The following CDKN2D variants were observed in gnomAD, a reference collection of about 807,000 sequenced individuals.
CDKN2D encodes cyclin dependent kinase inhibitor 2D.
Under a neutral mutation model 4.7 loss-of-function variants are expected in CDKN2D, and 3 were observed. The ratio of observed to expected loss-of-function variants is 0.64; its 90% CI spans 0.29 to 1.66. The LOEUF (loss-of-function observed/expected upper bound fraction) is 1.66, where lower values mean the gene tolerates loss of function less well. Among genes scored for constraint, CDKN2D ranks in the 40% most tolerant of loss-of-function variants. The probability of loss-of-function intolerance (pLI) is 0.10; values close to 1 mark genes in which losing one functional copy is unlikely to be tolerated. For missense variants in CDKN2D, 196 were observed against 230.9 expected, an observed-to-expected ratio of 0.85 and a Z score of 0.98; for synonymous variants, 91 against 102.3, an observed-to-expected ratio of 0.89 and a Z score of 0.67.
In CDKN2D at chr19:10,567,425, A is replaced by G; in HGVS notation, c.142-8T>C. On this transcript the variant is annotated splice_region_variant and splice_polypyrimidine_tract_variant and intron_variant, in intron 1 of 1. Coordinates refer to ENST00000393599, the MANE Select transcript of CDKN2D (RefSeq NM_001800.4). Reference sequence around the variant, plus strand: ...GCTGCCAAACATCATGACCTGTGTGAGGGACAGAGGATCAGGAGGTCCTCA... The same window carrying G: ...GCTGCCAAACATCATGACCTGTGTGGGGGACAGAGGATCAGGAGGTCCTCA... 1 of 1,607,062 alleles carries G rather than the reference A, an allele frequency of 6.2e-7. No individual in the cohort carries two copies. The highest frequency in any genetic ancestry group is 8.5e-7 in the Non-Finnish European group (1 of 1,175,300).
chr19:10,567,765 G>T (rs981492253), intron 1 of CDKN2D, among the ~76,000 whole-genome samples: 3 of 151,356 alleles, frequency 2.0e-5, no homozygotes, highest in African/African-American at 7.3e-5. Context: ...CAGGAAATGG[G>T]CCCCCAGAGA....
At chr19:10,567,538 G>T in intron 1 of CDKN2D, 121 bp from the exon 2 acceptor site, 1 of 1,159,376 alleles carries the variant, frequency 8.6e-7, no homozygotes, top group South Asian at 1.5e-5. Context: ...TGCTAGAGGA[G>T]GGGTCCTCTA....
At position 10,568,516 on chromosome 19, in the gene CDKN2D, C is replaced by A; in HGVS notation, c.138G>T (p.Leu46=). 1 of 1,431,694 alleles carries A rather than the reference C, an allele frequency of 7.0e-7. No homozygotes were observed. The highest frequency in any genetic ancestry group is 9.2e-7 in the Non-Finnish European group (1 of 1,088,930). The allele number at this position is 1,431,694 out of a possible 1,614,324, so 88.7% of individuals were successfully genotyped here. A position where few individuals can be genotyped will look rare whatever the true frequency, so the allele number is the denominator to read the frequency against. ...ACCTGGACCGGCCCGGCCTCACCTG[C>A]AGCGCCGTCTTGCCGAAGCGGTTGA... is the stretch of plus-strand genomic sequence containing the variant. The part of the protein sequence containing the change: ...DALNRFGKTA[L]QVMMFGSTAI... Residue 46 remains leucine, a synonymous_variant, in exon 1 of 2, where the codon CTG becomes CTT. Coordinates refer to ENST00000393599, the MANE Select transcript of CDKN2D (RefSeq NM_001800.4).
rs536238418 is a variant in CDKN2D at position 10,567,069 on chromosome 19, C to T, written c.490G>A (p.Ala164Thr). ...LVDILQGHMV[A>T]PL Reference sequence around the variant, plus strand: ...AGGGTGACCCCAGATCACAGCGGGGCCACCATGTGGCCCTGCAGGATGTCC... The same window carrying T: ...AGGGTGACCCCAGATCACAGCGGGGTCACCATGTGGCCCTGCAGGATGTCC... The change falls in exon 2 of 2, where the codon GCC becomes ACC. Residue 164 changes from alanine (A) to threonine (T), a missense_variant. By Grantham distance (58) the Ala-to-Thr change is moderately conservative. Transcript: ENST00000393599. The T allele has an allele frequency of 2.5e-6, 4 of 1,607,774 alleles. No homozygotes were observed. The East Asian group carries it at 8.9e-5, about 36-fold the overall frequency.
Position 10,567,704 on chromosome 19 carries a change from C to T in CDKN2D, c.142-287G>A, listed in dbSNP as rs532186287. On this transcript the variant is annotated intron_variant, in intron 1 of 1. Coordinates refer to ENST00000393599, the MANE Select transcript of CDKN2D (RefSeq NM_001800.4). Reference sequence around the variant, plus strand: ...GAACCTAAGACTCTCCCCCAAGGGACCAAAGACGCCCCCAGATATGGGCAA... The same window carrying T: ...GAACCTAAGACTCTCCCCCAAGGGATCAAAGACGCCCCCAGATATGGGCAA... Among the ~76,000 whole-genome samples, 6 of 144,780 alleles carry T rather than the reference C, an allele frequency of 4.1e-5. 1 individual carries two copies. The South Asian group carries it at 1.3e-3, about 32-fold the overall frequency. The allele number at this position is 144,780 out of a possible 152,430, so 95.0% of individuals were successfully genotyped here. A position where few individuals can be genotyped will look rare whatever the true frequency, so the allele number is the denominator to read the frequency against.
Position 10,568,697 on chromosome 19 carries a change from C to G in CDKN2D, c.-44G>C, listed in dbSNP as rs1467843453. On this transcript the variant is annotated 5_prime_UTR_variant, in exon 1 of 2. Transcript: ENST00000393599. ...CAAAGCCCCCCGCCCCGCCCCAGCC[C>G]GGCGCTGTCAGCGCGGAGCAGCCGG... 7.6e-7 allele frequency: 1 copy of G among 1,309,274 alleles called. No individual in the cohort carries two copies. Among genetic ancestry groups the G allele is most frequent in the Non-Finnish European group, 9.7e-7 (1 of 1,030,846 alleles). 81.1% of individuals were successfully genotyped at this position (1,309,274 alleles called of 1,614,324 possible). A position where few individuals can be genotyped will look rare whatever the true frequency, so the allele number is the denominator to read the frequency against.
At chr19:10,568,154 C>T (rs1916953494) in intron 1 of CDKN2D, among the ~76,000 whole-genome samples, 1 of 152,016 alleles carries the variant, frequency 6.6e-6, no homozygotes, top group South Asian at 2.1e-4. Flanking sequence ...TTCCAGAGAT[C>T]GGATCTCCCC....
At chr19:10,567,585 C>A (rs530992789) in intron 1 of CDKN2D, among the ~76,000 whole-genome samples, 168 bp from the exon 2 acceptor site, 3 of 151,510 alleles carry the variant, frequency 2.0e-5, no homozygotes, top group Admixed American at 6.6e-5. Context: ...CAGGAAAGTT[C>A]TTCTGGGAAT....
chr19:10,568,453 G>T, intron 1 of CDKN2D, 60 bp downstream of exon 1: 1 of 1,297,252 alleles, frequency 7.7e-7, no homozygotes, highest in Non-Finnish European at 9.9e-7. Flanking sequence ...AGGAGCTCTG[G>T]GGTCTCGATC....
At position 10,567,279 on chromosome 19, in the gene CDKN2D, C is replaced by T. The variant is rs150872881; in HGVS notation, c.280G>A (p.Val94Met). 3 of 1,614,100 alleles carry T rather than the reference C, an allele frequency of 1.9e-6. No homozygotes were observed. The highest frequency in any genetic ancestry group is 2.5e-6 in the Non-Finnish European group (3 of 1,180,044). The change falls in exon 2 of 2, where the codon GTG becomes ATG. Residue 94 changes from valine (V) to methionine (M), a missense_variant. Val to Met is a conservative substitution (Grantham distance 21). Transcript: ENST00000393599. ...TGFLDTLKVL[V>M]EHGADVNVPD... is the part of the protein sequence containing the mutation. The stretch of plus-strand genomic sequence containing the variant: ...ACGTTGACATCAGCCCCGTGCTCCA[C>T]TAGGACCTTCAGGGTGTCCAGGAAT...
intron 1 of CDKN2D, 134 bp downstream of exon 1, chr19:10,568,378 CA>C: frequency 1.3e-6 from 1 of 765,956 alleles, no homozygotes; most frequent in Non-Finnish European, 1.7e-6. Context: ...TGTGGGGGAA[CA>C]ATGAAAGCCT....
rs1234563235 is a variant in CDKN2D at position 10,567,030 on chromosome 19, T to C, written c.*28A>G. 6.4e-7 allele frequency: 1 copy of C among 1,566,026 alleles called. No individual in the cohort carries two copies. Among genetic ancestry groups the C allele is most frequent in the East Asian group, 2.2e-5 (1 of 44,554 alleles). ...TCTTCTGATACATAACCCCACGGGG[T>C]TCTCTTGCTGGAGAGGGTGACCCCA... On this transcript the variant is annotated 3_prime_UTR_variant, in exon 2 of 2. Transcript: ENST00000393599.
rs983390507 is a variant in CDKN2D, at chr19:10,568,859, G to A, written c.-206C>T. 7 of 302,834 alleles carry A rather than the reference G, an allele frequency of 2.3e-5. No homozygotes were observed. The highest frequency in any genetic ancestry group is 1.1e-4 in the African/African-American group (5 of 45,618). 18.8% of individuals were successfully genotyped at this position (302,834 alleles called of 1,614,324 possible). A position where few individuals can be genotyped will look rare whatever the true frequency, so the allele number is the denominator to read the frequency against. On this transcript the variant is annotated 5_prime_UTR_variant, in exon 1 of 2. Coordinates refer to ENST00000393599, the MANE Select transcript of CDKN2D (RefSeq NM_001800.4). ...CCCCCTGTCAGCCGGAGGACGGCGA[G>A]GGGCTGGGAGCCGGGCCCAACCCTC...
chr19:10,568,358 G>T (rs1916958466), intron 1 of CDKN2D, among the ~76,000 whole-genome samples, 155 bp downstream of exon 1: 1 of 149,172 alleles, frequency 6.7e-6, no homozygotes, highest in Non-Finnish European at 1.5e-5. Context: ...ACCCACCTTC[G>T]AAGGGGGACT....
At position 10,568,964 on chromosome 19, in the gene CDKN2D, G is replaced by A; in HGVS notation, c.-311C>T. 5.2e-6 allele frequency: 1 copy of A among 191,222 alleles called. No individual in the cohort carries two copies. The highest frequency in any genetic ancestry group is 1.1e-5 in the Non-Finnish European group (1 of 91,962). The allele number at this position is 191,222 out of a possible 1,614,324, so 11.8% of individuals were successfully genotyped here. On this transcript the variant is annotated 5_prime_UTR_variant, in exon 1 of 2. Transcript: ENST00000393599. ...TAACTCACCCTCCCTCCTCCTCGCC[G>A]GGCGGGGTCTGCTCTGAGCCTGCGC... is the stretch of plus-strand genomic sequence containing the variant.
At position 10,567,198 on chromosome 19, in the gene CDKN2D, C is replaced by A. The variant is rs139314642; in HGVS notation, c.361G>T (p.Ala121Ser). 2.5e-5 allele frequency: 40 copies of A among 1,614,212 alleles called. No individual in the cohort carries two copies. The African/African-American group carries it at 5.3e-4, about 22-fold the overall frequency. ...TCAGCTGCCAGAAAGCTGACCACAG[C>A]AGTGTGACCCTCTTGAACTGCCAGA... Reference protein sequence around the residue: ...IHLAVQEGHTAVVSFLAAESD... With the variant: ...IHLAVQEGHTSVVSFLAAESD... The change falls in exon 2 of 2, where the codon GCT becomes TCT. Residue 121 changes from alanine to serine, a missense_variant. Coordinates refer to ENST00000393599, the MANE Select transcript of CDKN2D (RefSeq NM_001800.4).
Position 10,567,408 on chromosome 19 carries a change from A to C in CDKN2D, c.151T>G (p.Phe51Val). 3 of 1,613,232 alleles carry C rather than the reference A, an allele frequency of 1.9e-6. No homozygotes were observed. The highest frequency in any genetic ancestry group is 2.5e-6 in the Non-Finnish European group (3 of 1,179,546). The change falls in exon 2 of 2, where the codon TTT (phenylalanine) becomes GTT (valine). Residue 51 changes from phenylalanine to valine, a missense_variant. By Grantham distance (50) the Phe-to-Val change is conservative. Coordinates refer to ENST00000393599, the MANE Select transcript of CDKN2D (RefSeq NM_001800.4). ...TCCAGGGCGATGGCGGTGCTGCCAA[A>C]CATCATGACCTGTGTGAGGGACAGA... ...FGKTALQVMM[F>V]GSTAIALELL...
rs766610470 is a variant in CDKN2D at position 10,567,266 on chromosome 19, G to C, written c.293C>G (p.Ala98Gly). Reference protein sequence around the residue: ...DTLKVLVEHGADVNVPDGTGA... With the variant: ...DTLKVLVEHGGDVNVPDGTGA... ...GGTGCCATCAGGCACGTTGACATCA[G>C]CCCCGTGCTCCACTAGGACCTTCAG... Residue 98 changes from alanine to glycine, a missense_variant, in exon 2 of 2, where the codon GCT (alanine) becomes GGT (glycine). By Grantham distance (60) the Ala-to-Gly change is moderately conservative. Transcript: ENST00000393599. The C allele has an allele frequency of 6.2e-7, 1 of 1,614,188 alleles. No individual in the cohort carries two copies. Among genetic ancestry groups the C allele is most frequent in the Non-Finnish European group, 8.5e-7 (1 of 1,180,012 alleles).
rs1200743150 is a variant in CDKN2D, at chr19:10,568,731, G to A, written c.-78C>T. On this transcript the variant is annotated 5_prime_UTR_variant, in exon 1 of 2. Coordinates refer to ENST00000393599, the MANE Select transcript of CDKN2D (RefSeq NM_001800.4). The stretch of plus-strand genomic sequence containing the variant: ...CAGCGCGGAGCAGCCGGCGGGCGCT[G>A]GCCCGAACAGCCCTCCCGGGGCGCG... The A allele has an allele frequency of 9.1e-6, 10 of 1,094,324 alleles. No homozygotes were observed. The highest frequency in any genetic ancestry group is 3.6e-5 in the South Asian group (1 of 27,782). The allele number at this position is 1,094,324 out of a possible 1,614,324, so 67.8% of individuals were successfully genotyped here. A position where few individuals can be genotyped will look rare whatever the true frequency, so the allele number is the denominator to read the frequency against.
Sources: gnomAD v4.1 joint callset for allele counts (sites outside exome capture counted in the v4.1 genomes callset) on GRCh38, gnomAD v4.1.1 for gene constraint, MANE v1.5 for transcripts, NCBI Gene and HGNC (gene_info 2026-07-23, HGNC 2026-07-21) for gene names.